The following GATB variants were observed in gnomAD, a reference collection of about 807,000 sequenced individuals.
GATB encodes the protein glutamyl-tRNA(Gln) amidotransferase subunit B, mitochondrial.
In GATB, 39 loss-of-function variants were observed where a neutral mutation model predicts 62.3. That is an observed-to-expected ratio of 0.63 (90% CI 0.48 to 0.82). The LOEUF is 0.82. Ranked by LOEUF, GATB falls within the 40% of genes least tolerant of loss-of-function variation. The probability of loss-of-function intolerance (pLI) is 0.00; values close to 1 mark genes in which losing one functional copy is unlikely to be tolerated. For synonymous variants in GATB, 276 were observed against 258.9 expected (o/e 1.07, Z -0.63); for missense variants, 670 against 684.0 (o/e 0.98, Z 0.23).
chr4:151,715,887 C>A, intron 5 of GATB, 122 bp downstream of exon 5: 2 of 1,154,162 alleles, frequency 1.7e-6, no homozygotes, highest in Non-Finnish European at 2.3e-6. Context: ...TTGCAAAAGG[C>A]TGGGGAAAAA....
intron 2 of GATB, among the ~76,000 whole-genome samples, chr4:151,726,316 C>T (rs1397546248): frequency 2.0e-5 from 3 of 152,232 alleles, no homozygotes; most frequent in African/African-American, 4.8e-5. Context: ...CCCCTGTTTC[C>T]GCACCCCTAC....
chr4:151,687,779 T>C (rs1214083219), intron 10 of GATB, among the ~76,000 whole-genome samples: 3 of 152,150 alleles, frequency 2.0e-5, no homozygotes, highest in East Asian at 1.9e-4. Context: ...CTGCCTGTCA[T>C]GTGAGGACAT....
chr4:151,675,634 C>G (rs1220977040), intron 11 of GATB: 1 of 152,246 alleles, frequency 6.6e-6, no homozygotes, highest in Admixed American at 6.5e-5. Context: ...TTAATCCCAC[C>G]CTGAGAAGTG....
chr4:151,684,321 A>T (rs1439202360), intron 10 of GATB, among the ~76,000 whole-genome samples: 1 of 152,252 alleles, frequency 6.6e-6, no homozygotes, highest in African/African-American at 2.4e-5. Flanking sequence ...TAACTAAACC[A>T]AATCTGTTAC....
At chr4:151,747,549 T>C (rs1016703116) in intron 2 of GATB, among the ~76,000 whole-genome samples, 1 of 152,106 alleles carries the variant, frequency 6.6e-6, no homozygotes, top group African/African-American at 2.4e-5. Flanking sequence ...AGGAATTCAT[T>C]CCATAGAGAT....
Position 151,705,242 on chromosome 4 carries a change from T to A in GATB, c.905A>T (p.Glu302Val). 6.2e-7 allele frequency: 1 copy of A among 1,612,530 alleles called. No individual in the cohort carries two copies. Among genetic ancestry groups the A allele is most frequent in the Non-Finnish European group, 8.5e-7 (1 of 1,178,604 alleles). ...CAGAATTTCACCTCCATTCTCAAGT[T>A]CATTGATTTGCCTCTGAATTTCATA... ...IDYEIQRQINELENGGEILNE... is the reference protein window; with the variant it reads ...IDYEIQRQINVLENGGEILNE... Residue 302 changes from glutamate (E) to valine (V), a missense_variant, in exon 7 of 13, where the codon GAA becomes GTA. By Grantham distance (121) the Glu-to-Val change is moderately radical (BLOSUM62 -2). Transcript: ENST00000263985.
chr4:151,696,488 T>A (rs889605022), intron 9 of GATB, among the ~76,000 whole-genome samples: 3 of 152,222 alleles, frequency 2.0e-5, no homozygotes, highest in African/African-American at 7.2e-5. Context: ...ACATTATATA[T>A]GCAAGCGGGC....
At chr4:151,697,937 A>G (rs12507536) in intron 9 of GATB, among the ~76,000 whole-genome samples, 6,252 of 55,260 alleles carry the variant, frequency 0.11, 619 homozygotes, top group African/African-American at 0.28. Flanking sequence ...TTTCATATAT[A>G]TGTGTGTGTG....
chr4:151,687,337 G>A (rs749877831), intron 10 of GATB, among the ~76,000 whole-genome samples: 4 of 152,044 alleles, frequency 2.6e-5, no homozygotes, highest in Non-Finnish European at 4.4e-5. Context: ...CCTCACCCCC[G>A]GCCTATAAAG....
intron 2 of GATB, among the ~76,000 whole-genome samples, chr4:151,757,252 A>G (rs981007395): frequency 2.6e-5 from 4 of 152,172 alleles, no homozygotes; most frequent in Non-Finnish European, 5.9e-5. Context: ...AGCAAATCAA[A>G]GGTGATCCTT....
chr4:151,734,861 T>C (rs1393154132), intron 2 of GATB, among the ~76,000 whole-genome samples: 1 of 152,172 alleles, frequency 6.6e-6, no homozygotes, highest in East Asian at 1.9e-4. Flanking sequence ...AATGGTGCTG[T>C]GATAATTGGT....
At chr4:151,733,860 C>G (rs1739317319) in intron 2 of GATB, among the ~76,000 whole-genome samples, 1 of 152,176 alleles carries the variant, frequency 6.6e-6, no homozygotes, top group Non-Finnish European at 1.5e-5. Flanking sequence ...AAATGATCAT[C>G]TCAATAGATG....
At chr4:151,741,781 T>C (rs1284292535) in intron 2 of GATB, among the ~76,000 whole-genome samples, 1 of 152,258 alleles carries the variant, frequency 6.6e-6, no homozygotes, top group Non-Finnish European at 1.5e-5. Context: ...AACACCATCA[T>C]ATTGCTTTTT....
Position 151,705,143 on chromosome 4 carries a change from C to T in GATB, c.962+42G>A, listed in dbSNP as rs752518800. 2.1e-6 allele frequency: 3 copies of T among 1,419,604 alleles called. No individual in the cohort carries two copies. The Admixed American group carries it at 5.1e-5, about 24-fold the overall frequency. 87.9% of individuals were successfully genotyped at this position (1,419,604 alleles called of 1,614,324 possible). A position where few individuals can be genotyped will look rare whatever the true frequency, so the allele number is the denominator to read the frequency against. ...GTGGCTGAGCCCAGCCCTCTCGCAC[C>T]ACCCCCGGCTGTGGTCAGGACGCTC... On this transcript the variant is annotated intron_variant, in intron 7 of 12. Transcript: ENST00000263985.
At chr4:151,684,393 A>C (rs1738202990) in intron 10 of GATB, among the ~76,000 whole-genome samples, 1 of 152,268 alleles carries the variant, frequency 6.6e-6, no homozygotes, top group African/African-American at 2.4e-5. Context: ...TCAATTAAAA[A>C]GCCAAGTTCA....
chr4:151,748,052 T>C (rs1013782139), intron 2 of GATB, among the ~76,000 whole-genome samples: 5 of 152,202 alleles, frequency 3.3e-5, no homozygotes, highest in African/African-American at 7.2e-5. Flanking sequence ...TGCTCATGGA[T>C]AGGAAGAATC....
chr4:151,719,053 GACAGAACT>G (rs1259578435), intron 3 of GATB, among the ~76,000 whole-genome samples: 3 of 152,346 alleles, frequency 2.0e-5, no homozygotes, highest in African/African-American at 7.2e-5. Context: ...TCGCTCTGCT[GACAGAACT>G]ACAGTATGCA....
At chr4:151,741,152 T>C (rs960273569) in intron 2 of GATB, among the ~76,000 whole-genome samples, 3 of 152,170 alleles carry the variant, frequency 2.0e-5, no homozygotes, top group African/African-American at 7.2e-5. Context: ...CATAGGTATG[T>C]ATGATGAAGT....
Position 151,757,068 on chromosome 4 carries a change from T to C in GATB, c.327+1704A>G, listed in dbSNP as rs1739846418. ...CTTGCCTTCCATTTTACAATAAATA[T>C]TATTGTATCTCTACTATATCTGAAT... On this transcript the variant is annotated intron_variant, in intron 2 of 12. Transcript: ENST00000263985. 2.0e-5 allele frequency among the ~76,000 whole-genome samples: 3 copies of C among 152,164 alleles called. No homozygotes were observed. In the South Asian group the frequency reaches 6.2e-4, roughly 32 times the overall value.
Sources: allele counts gnomAD v4.1 joint callset (sites outside exome capture counted in the v4.1 genomes callset), GRCh38; gene constraint gnomAD v4.1.1; transcripts MANE v1.5; gene names NCBI Gene and HGNC (gene_info 2026-07-23, HGNC 2026-07-21).